The following CFAP58 variants were observed in gnomAD, a reference collection of about 807,000 sequenced individuals.
CFAP58 encodes cilia and flagella associated protein 58, also known as cilia- and flagella-associated protein 58.
CFAP58 carries 88 observed loss-of-function variants against 119.5 expected under a neutral mutation model. That is an observed-to-expected ratio of 0.74 (90% CI 0.62 to 0.88). The LOEUF (loss-of-function observed/expected upper bound fraction) is 0.88. CFAP58 is among the 40% of genes least tolerant of loss of function. The pLI is 0.00. For missense variants in CFAP58, 990 were observed against 1,021.2 expected, an observed-to-expected ratio of 0.97 and a Z score of 0.42; for synonymous variants, 365 against 366.3, an observed-to-expected ratio of 1.00 and a Z score of 0.04.
At chr10:104,436,033 A>G (rs1436629523) in intron 15 of CFAP58, among the ~76,000 whole-genome samples, 3 of 152,022 alleles carry the variant, frequency 2.0e-5, no homozygotes, top group Non-Finnish European at 4.4e-5. Context: ...TGATCATGTA[A>G]TTCCATCTCC....
chr10:104,454,647 A>C lies in CFAP58; in HGVS notation c.*117A>C. 1 of 726,746 alleles carries C rather than the reference A, an allele frequency of 1.4e-6. No homozygotes were observed. The highest frequency in any genetic ancestry group is 2.4e-6 in the Non-Finnish European group (1 of 415,410). The allele number at this position is 726,746 out of a possible 1,614,324, so 45.0% of individuals were successfully genotyped here. On this transcript the variant is annotated 3_prime_UTR_variant, in exon 18 of 18. Coordinates refer to ENST00000369704, the MANE Select transcript of CFAP58 (RefSeq NM_001008723.2). ...TGAGTGCTGAGAATCCAGGATGGAAAGAAATGCAGAACTATCATAGTCACA... is the reference window on the plus strand; with the variant it reads ...TGAGTGCTGAGAATCCAGGATGGAACGAAATGCAGAACTATCATAGTCACA...
In CFAP58 at chr10:104,365,875, A is replaced by G; in HGVS notation, c.659A>G (p.Lys220Arg). 3 of 1,613,344 alleles carry G rather than the reference A, an allele frequency of 1.9e-6. No individual in the cohort carries two copies. The highest frequency in any genetic ancestry group is 2.5e-6 in the Non-Finnish European group (3 of 1,179,704). ...EASREFRKKEKLEKELKQIQA... is the reference protein window; with the variant it reads ...EASREFRKKERLEKELKQIQA... ...TCCCGGGAGTTCCGGAAGAAGGAAAAACTAGAGAAAGAGCTCAAGCAGATT... is the reference window on the plus strand; with the variant it reads ...TCCCGGGAGTTCCGGAAGAAGGAAAGACTAGAGAAAGAGCTCAAGCAGATT... The change falls in exon 5 of 18, where the codon AAA becomes AGA. Residue 220 changes from lysine to arginine, a missense_variant. Lys to Arg is a conservative substitution (Grantham distance 26, BLOSUM62 2). Transcript: ENST00000369704.
chr10:104,366,232 C>A (rs2135255770), intron 5 of CFAP58, among the ~76,000 whole-genome samples: 1 of 152,138 alleles, frequency 6.6e-6, no homozygotes, highest in East Asian at 1.9e-4. Context: ...TAATAAGTTT[C>A]TTTTTAACCT....
chr10:104,346,888 A>T, the CFAP58 span, among the ~76,000 whole-genome samples: 2 of 151,894 alleles, frequency 1.3e-5, no homozygotes, highest in Non-Finnish European at 2.9e-5. Context: ...TCCCTGCCTC[A>T]GCCTCCCAAA....
At chr10:104,443,143 T>C (rs1236396090) in intron 15 of CFAP58, among the ~76,000 whole-genome samples, 1 of 152,180 alleles carries the variant, frequency 6.6e-6, no homozygotes, top group African/African-American at 2.4e-5. Context: ...TGGAGAGAAA[T>C]AATGGGTTTA....
intron 15 of CFAP58, among the ~76,000 whole-genome samples, chr10:104,431,372 G>A (rs564582883): frequency 1.4e-4 from 22 of 151,946 alleles, no homozygotes; most frequent in African/African-American, 4.6e-4. Flanking sequence ...TAGTGTTATG[G>A]GATTTATATT....
At chr10:104,367,393 C>A (rs769627130) in intron 5 of CFAP58, among the ~76,000 whole-genome samples, 28 of 152,164 alleles carry the variant, frequency 1.8e-4, no homozygotes, top group Admixed American at 4.6e-4. Flanking sequence ...AATTGTCAAG[C>A]CATATAGCAG....
At chr10:104,340,423 C>T in the CFAP58 span, among the ~76,000 whole-genome samples, 1 of 152,186 alleles carries the variant, frequency 6.6e-6, no homozygotes, top group Non-Finnish European at 1.5e-5. Flanking sequence ...GTTATTTTGC[C>T]CGACTAATTG....
the CFAP58 span, among the ~76,000 whole-genome samples, chr10:104,344,066 C>T: frequency 6.6e-6 from 1 of 152,204 alleles, no homozygotes; most frequent in Admixed American, 6.5e-5. Context: ...TTAAACTACT[C>T]TTCTAACTCA....
At chr10:104,432,565 C>T (rs907377798) in intron 15 of CFAP58, among the ~76,000 whole-genome samples, 5 of 151,396 alleles carry the variant, frequency 3.3e-5, no homozygotes, top group African/African-American at 4.9e-5. Context: ...TGCCATGGTG[C>T]GATCTTGGCC....
At chr10:104,343,166 T>A in the CFAP58 span, among the ~76,000 whole-genome samples, 2 of 152,200 alleles carry the variant, frequency 1.3e-5, no homozygotes. Context: ...GCAAGTTAGT[T>A]TAGAGGATGT....
At chr10:104,419,452 G>T (rs937882433) in intron 15 of CFAP58, among the ~76,000 whole-genome samples, 1 of 152,094 alleles carries the variant, frequency 6.6e-6, no homozygotes. Context: ...AAATGATACG[G>T]TCCCAAACGC....
At chr10:104,426,044 C>A (rs939973430) in intron 15 of CFAP58, among the ~76,000 whole-genome samples, 1 of 152,058 alleles carries the variant, frequency 6.6e-6, no homozygotes, top group African/African-American at 2.4e-5. Flanking sequence ...CCAGCCTGGG[C>A]AACATGGCAA....
At chr10:104,445,322 CAAA>C (rs762588303) in intron 15 of CFAP58, among the ~76,000 whole-genome samples, 1 of 110,354 alleles carries the variant, frequency 9.1e-6, no homozygotes. Context: ...GACCCGGTCT[CAAA>C]AAAAAAAAAA....
intron 15 of CFAP58, among the ~76,000 whole-genome samples, chr10:104,440,424 T>G (rs937236949): frequency 4.6e-5 from 7 of 152,196 alleles, no homozygotes; most frequent in Admixed American, 3.9e-4. Context: ...TACCCATCCT[T>G]GAATCCTTGT....
Position 104,368,570 on chromosome 10 carries a change from A to G in CFAP58, c.930+10A>G. The G allele has an allele frequency of 6.2e-7, 1 of 1,613,586 alleles. No individual in the cohort carries two copies. Among genetic ancestry groups the G allele is most frequent in the Non-Finnish European group, 8.5e-7 (1 of 1,179,668 alleles). ...GGCGTTGGAGCTCAAAGTAAACACC[A>G]AGTTACATGTCTGTTCCCTAGCTCT... On this transcript the variant is annotated intron_variant, in intron 6 of 17. Coordinates refer to ENST00000369704, the MANE Select transcript of CFAP58 (RefSeq NM_001008723.2).
chr10:104,350,346 A>C (rs111487642), upstream of CFAP58, among the ~76,000 whole-genome samples: 1 of 152,202 alleles, frequency 6.6e-6, no homozygotes, highest in African/African-American at 2.4e-5. Flanking sequence ...GAGGACTTTG[A>C]TACTATAATG....
intron 15 of CFAP58, among the ~76,000 whole-genome samples, chr10:104,407,976 G>A (rs772783760): frequency 4.6e-5 from 7 of 152,162 alleles, no homozygotes; most frequent in Non-Finnish European, 5.9e-5. Flanking sequence ...GATTACAGGC[G>A]TGAGCCACTG....
intron 15 of CFAP58, among the ~76,000 whole-genome samples, chr10:104,431,136 G>A (rs143646528): frequency 9.7e-4 from 147 of 152,298 alleles, no homozygotes; most frequent in Non-Finnish European, 1.8e-3. Context: ...GTGGCAGAGA[G>A]TTGTTTAGTC....
Sources: allele counts gnomAD v4.1 joint callset (sites outside exome capture counted in the v4.1 genomes callset), GRCh38; gene constraint gnomAD v4.1.1; transcripts MANE v1.5; gene names NCBI Gene and HGNC (gene_info 2026-07-23, HGNC 2026-07-21).